TLL1: variants seen among roughly 807,000 people sequenced by gnomAD.
TLL1 encodes the protein tolloid-like protein 1.
Under a neutral mutation model 128.2 loss-of-function variants are expected in TLL1, and 49 were observed. The observed-to-expected ratio is 0.38, with a 90% confidence interval of 0.30 to 0.48. The LOEUF (loss-of-function observed/expected upper bound fraction) is 0.48, where lower values mean the gene tolerates loss of function less well. Ranked by LOEUF, TLL1 falls within the 20% of genes least tolerant of loss-of-function variation. The pLI is 0.96. For synonymous variants in TLL1, 454 were observed against 418.8 expected, an observed-to-expected ratio of 1.08 and a Z score of -1.03; for missense variants, 1,123 against 1,242.0, an observed-to-expected ratio of 0.90 and a Z score of 1.44.
intron 10 of TLL1, 120 bp from the exon 11 acceptor site, chr4:166,041,907 C>G (rs1181779649): frequency 2.8e-6 from 2 of 702,304 alleles, no homozygotes; most frequent in East Asian, 5.7e-5. Context: ...TGGCTGCAAT[C>G]ACTTGGAATA....
intron 6 of TLL1, 91 bp downstream of exon 6, chr4:166,003,660 TAAAC>T: frequency 1.5e-6 from 2 of 1,330,512 alleles, no homozygotes; most frequent in Non-Finnish European, 1.1e-6. Flanking sequence ...CCCAAAAATG[TAAAC>T]TGATATTTTT....
At chr4:166,002,767 C>T (rs1374470917) in intron 5 of TLL1, among the ~76,000 whole-genome samples, 1 of 152,092 alleles carries the variant, frequency 6.6e-6, no homozygotes, top group Non-Finnish European at 1.5e-5. Context: ...CTTTAATTAA[C>T]TTCTTCTTTG....
chr4:166,038,540 C>T (rs901175765), intron 9 of TLL1, among the ~76,000 whole-genome samples: 4 of 151,046 alleles, frequency 2.6e-5, no homozygotes, highest in South Asian at 2.1e-4. Context: ...GCATACTTCT[C>T]GCGTAAGTTT....
intron 18 of TLL1, among the ~76,000 whole-genome samples, chr4:166,090,240 T>A (rs1019242146): frequency 6.6e-6 from 1 of 152,106 alleles, no homozygotes; most frequent in African/African-American, 2.4e-5. Flanking sequence ...ATTTCTTCAA[T>A]GTATGATGGT....
intron 1 of TLL1, among the ~76,000 whole-genome samples, chr4:165,890,402 T>G (rs1018786559): frequency 1.8e-4 from 27 of 152,228 alleles, no homozygotes; most frequent in African/African-American, 5.8e-4. Flanking sequence ...CAAAGTCTTA[T>G]CTGAGATAAG....
chr4:166,057,831 C>A (rs1314259567), intron 14 of TLL1, among the ~76,000 whole-genome samples: 1 of 151,974 alleles, frequency 6.6e-6, no homozygotes, highest in African/African-American at 2.4e-5. Flanking sequence ...GGAAAAGACT[C>A]CCCCCAACCA....
intron 11 of TLL1, among the ~76,000 whole-genome samples, chr4:166,042,546 T>G (rs1337559473): frequency 6.6e-6 from 1 of 152,214 alleles, no homozygotes; most frequent in African/African-American, 2.4e-5. Context: ...TTGTGCCGAT[T>G]TCTGAGGCAT....
chr4:166,051,840 C>CTGT, intron 12 of TLL1, among the ~76,000 whole-genome samples: 1 of 152,244 alleles, frequency 6.6e-6, no homozygotes, highest in Admixed American at 6.5e-5. Context: ...TGTGAGAATG[C>CTGT]TGTTGCCCCA....
At chr4:165,981,610 A>G (rs1477598824) in intron 1 of TLL1, among the ~76,000 whole-genome samples, 1 of 152,020 alleles carries the variant, frequency 6.6e-6, no homozygotes, top group Non-Finnish European at 1.5e-5. Flanking sequence ...ATTTATAAAG[A>G]TTTTATTTAC....
Position 166,003,440 on chromosome 4 carries a change from A to G in TLL1, c.682A>G (p.Ile228Val). ...RRGNGPQAISIGKNCDKFGIV... is the reference protein window; with the variant it reads ...RRGNGPQAISVGKNCDKFGIV... Reference sequence around the variant, plus strand: ...AGGAAATGGACCTCAGGCAATCTCTATCGGCAAGAACTGTGATAAATTTGG... The same window carrying G: ...AGGAAATGGACCTCAGGCAATCTCTGTCGGCAAGAACTGTGATAAATTTGG... The change falls in exon 6 of 21, where the codon ATC becomes GTC. Residue 228 changes from isoleucine (I) to valine (V), a missense_variant. Coordinates refer to ENST00000061240, the MANE Select transcript of TLL1 (RefSeq NM_012464.5). 1 of 1,613,996 alleles carries G rather than the reference A, an allele frequency of 6.2e-7. No individual in the cohort carries two copies. Among genetic ancestry groups the G allele is most frequent in the African/African-American group, 1.3e-5 (1 of 75,016 alleles).
intron 1 of TLL1, among the ~76,000 whole-genome samples, chr4:165,874,320 A>G (rs1730627892): frequency 6.6e-6 from 1 of 152,136 alleles, no homozygotes; most frequent in Non-Finnish European, 1.5e-5. Flanking sequence ...TTTGGGAATA[A>G]GGTCCTAGAG....
In TLL1 at chr4:166,033,563, T is replaced by C. The variant is rs1323297950; in HGVS notation, c.1159-5776T>C. 5.0e-4 allele frequency among the ~76,000 whole-genome samples: 76 copies of C among 152,196 alleles called. 1 individual carries two copies. Among genetic ancestry groups the C allele is most frequent in the Admixed American group, 4.7e-3 (71 of 15,264 alleles). On this transcript the variant is annotated intron_variant, in intron 9 of 20. Coordinates refer to ENST00000061240, the MANE Select transcript of TLL1 (RefSeq NM_012464.5). ...ATATTGTCTTTAAAAAATACAGTCATTGTAGGACAATGATGTGAATGTACT... is the reference window on the plus strand; with the variant it reads ...ATATTGTCTTTAAAAAATACAGTCACTGTAGGACAATGATGTGAATGTACT...
chr4:165,943,064 G>T (rs1734090706), intron 1 of TLL1, among the ~76,000 whole-genome samples: 1 of 152,058 alleles, frequency 6.6e-6, no homozygotes, highest in Non-Finnish European at 1.5e-5. Flanking sequence ...TGCAACATTT[G>T]TCTAGGTACG....
At chr4:165,994,979 C>T (rs562863609) in intron 4 of TLL1, 82 bp from the exon 5 acceptor site, 10 of 1,151,612 alleles carry the variant, frequency 8.7e-6, no homozygotes, top group African/African-American at 4.5e-5. Flanking sequence ...CACTGCTCAG[C>T]CAGACTTAGG....
chr4:165,929,758 A>G (rs1261503848), intron 1 of TLL1, among the ~76,000 whole-genome samples: 1 of 152,204 alleles, frequency 6.6e-6, no homozygotes, highest in Non-Finnish European at 1.5e-5. Flanking sequence ...GTGACACATT[A>G]TTCCTTGATG....
intron 1 of TLL1, among the ~76,000 whole-genome samples, chr4:165,898,441 T>A (rs1195417753): frequency 1.3e-5 from 2 of 150,614 alleles, no homozygotes; most frequent in Non-Finnish European, 3.0e-5. Context: ...TAGCATGAAG[T>A]CGTGTTGAAT....
At chr4:165,967,867 T>C (rs763203072) in intron 1 of TLL1, among the ~76,000 whole-genome samples, 1 of 152,200 alleles carries the variant, frequency 6.6e-6, no homozygotes, top group Non-Finnish European at 1.5e-5. Context: ...GAAAACAATT[T>C]TAAGGCAATA....
chr4:165,885,990 C>A (rs938258902), intron 1 of TLL1, among the ~76,000 whole-genome samples: 11 of 152,056 alleles, frequency 7.2e-5, no homozygotes, highest in Admixed American at 5.9e-4. Context: ...GCTCCACAAA[C>A]CTTTAATTTT....
At position 166,103,820 on chromosome 4, in the gene TLL1, A is replaced by C. The variant is rs1742392050; in HGVS notation, c.*2944A>C. On this transcript the variant is annotated 3_prime_UTR_variant, in exon 21 of 21. Transcript: ENST00000061240. ...ATTGGTTGTGCTTTATATTTGCCAA[A>C]GTCCTAACTGACTATACATAGAAAA... 1 of 139,920 alleles carries C rather than the reference A, an allele frequency of 7.1e-6. No homozygotes were observed. The highest frequency in any genetic ancestry group is 1.5e-5 in the Non-Finnish European group (1 of 64,576). The allele number at this position is 139,920 out of a possible 1,614,324, so 8.7% of individuals were successfully genotyped here.
Sources: allele counts gnomAD v4.1 joint callset (sites outside exome capture counted in the v4.1 genomes callset), GRCh38; gene constraint gnomAD v4.1.1; transcripts MANE v1.5; gene names NCBI Gene and HGNC (gene_info 2026-07-23, HGNC 2026-07-21).